GABRE: variants seen among roughly 807,000 people sequenced by gnomAD.
GABRE encodes gamma-aminobutyric acid type A receptor subunit epsilon.
A neutral mutation model predicts 31.0 loss-of-function variants in GABRE; 20 were observed. The ratio of observed to expected loss-of-function variants is 0.64; its 90% CI spans 0.45 to 0.94. The LOEUF (loss-of-function observed/expected upper bound fraction) is 0.94. Among genes scored for constraint, GABRE ranks in the 40% least tolerant of loss-of-function variants. The probability of loss-of-function intolerance (pLI) is 0.00; values close to 1 mark genes in which losing one functional copy is unlikely to be tolerated. For missense variants in GABRE, 420 were observed against 410.7 expected (o/e 1.02, Z -0.20); for synonymous variants, 155 against 150.6 (o/e 1.03, Z -0.21).
In GABRE at chrX:151,954,661, G is replaced by T; in HGVS notation, c.*40C>A. On this transcript the variant is annotated 3_prime_UTR_variant, in exon 9 of 9. Coordinates refer to ENST00000370328, the MANE Select transcript of GABRE (RefSeq NM_004961.4). ...CTTGGCAAGGGGCTTGGACCTCCTG[G>T]GGAACTGGAGAGGTTGCCCCACAGG... is the stretch of plus-strand genomic sequence containing the variant. The T allele has an allele frequency of 7.5e-6, 8 of 1,073,407 alleles. No individual in the cohort carries two copies. The highest frequency in any genetic ancestry group is 1.0e-5 in the Non-Finnish European group (8 of 799,256). The allele number at this position is 1,073,407 out of a possible 1,213,427, so 88.5% of individuals were successfully genotyped here. A position where few individuals can be genotyped will look rare whatever the true frequency, so the allele number is the denominator to read the frequency against.
chrX:151,960,372 T>C (rs1271131709), intron 5 of GABRE, among the ~76,000 whole-genome samples: 1 of 112,154 alleles, frequency 8.9e-6, no homozygotes, highest in Non-Finnish European at 1.9e-5. Flanking sequence ...GCAGGTGATA[T>C]TCCCATTAAA....
rs1455397126 is a variant in GABRE at position 151,974,574 on chromosome X, A to G, written c.52T>C (p.Ser18Pro). 1 of 1,166,691 alleles carries G rather than the reference A, an allele frequency of 8.6e-7. No homozygotes were observed. Among genetic ancestry groups the G allele is most frequent in the Admixed American group, 2.4e-5 (1 of 41,914 alleles). ...VLLGILLILQSRVEGPQTESK... is the reference protein window; with the variant it reads ...VLLGILLILQPRVEGPQTESK... ...GGTCCCGGGATGGAGACTCACCTCG[A>G]CTGGAGGATCAATAAGATGCCTAGG... Residue 18 changes from serine (S) to proline (P), a missense_variant, in exon 1 of 9, where the codon TCG becomes CCG. Transcript: ENST00000370328.
chrX:151,971,339 T>C, intron 1 of GABRE: 2 of 308,270 alleles, frequency 6.5e-6, no homozygotes, highest in Non-Finnish European at 6.2e-6. Context: ...AAAAGTGTTT[T>C]TAAAAATCAA....
intron 6 of GABRE, chrX:151,958,919 A>G: frequency 3.2e-6 from 1 of 309,641 alleles, no homozygotes; most frequent in Non-Finnish European, 6.4e-6. Context: ...TCATCCAGAG[A>G]CTGACTCAAT....
chrX:151,971,277 G>T, intron 1 of GABRE: 1 of 331,229 alleles, frequency 3.0e-6, no homozygotes, highest in South Asian at 2.6e-5. Flanking sequence ...CAACTCATCA[G>T]CTGTACACTT....
chrX:151,969,744 G>T lies in GABRE; in HGVS notation c.275-8C>A, dbSNP rs771408508. ...TGACCACAGTGGGCTTCTCTATAAG[G>T]GAAGCAGAAGCAGCAGAGGGTAAGT... On this transcript the variant is annotated splice_polypyrimidine_tract_variant and splice_region_variant and intron_variant, in intron 2 of 8. Coordinates refer to ENST00000370328, the MANE Select transcript of GABRE (RefSeq NM_004961.4). 2 of 1,206,582 alleles carry T rather than the reference G, an allele frequency of 1.7e-6. No homozygotes were observed. Among genetic ancestry groups the T allele is most frequent in the Admixed American group, 2.2e-5 (1 of 45,497 alleles).
intron 5 of GABRE, 156 bp downstream of exon 5, chrX:151,961,127 G>T (rs1934355429): frequency 4.4e-6 from 2 of 459,739 alleles, no homozygotes; most frequent in Admixed American, 7.6e-5. Flanking sequence ...AGTATTGTTG[G>T]CAGGAAAGGA....
At chrX:151,970,652 C>A in intron 1 of GABRE, 1 of 368,940 alleles carries the variant, frequency 2.7e-6, no homozygotes, top group Non-Finnish European at 4.6e-6. Flanking sequence ...AAAAAATCAA[C>A]AAAACCAAGA....
intron 3 of GABRE, among the ~76,000 whole-genome samples, chrX:151,966,082 C>T (rs1439556645): frequency 8.9e-6 from 1 of 112,402 alleles, no homozygotes; most frequent in Non-Finnish European, 1.9e-5. Context: ...TGTGTTTATG[C>T]TCTATGTTAT....
chrX:151,959,643 C>G (rs1390793899), intron 6 of GABRE, 196 bp downstream of exon 6: 1 of 547,556 alleles, frequency 1.8e-6, no homozygotes, highest in Admixed American at 2.3e-5. Context: ...GCACTTACTT[C>G]TTTGCAGATG....
At chrX:151,965,041 C>CT (rs1421024538) in intron 3 of GABRE, among the ~76,000 whole-genome samples, 7 of 111,358 alleles carry the variant, frequency 6.3e-5, no homozygotes, top group African/African-American at 2.3e-4. Context: ...ATCCCAGCTA[C>CT]TCAGGAGGCT....
chrX:151,962,706 A>G lies in GABRE; in HGVS notation c.343-63T>C, dbSNP rs181863991. ...AACAGAAAAAGGACATTCACATGCA[A>G]ACATATTGTTTGCCACTCCCTAACC... On this transcript the variant is annotated intron_variant, in intron 3 of 8. Transcript: ENST00000370328. 5.0e-5 allele frequency: 48 copies of G among 958,414 alleles called. No individual in the cohort carries two copies. In the African/African-American group the frequency reaches 8.1e-4, roughly 16 times the overall value. 79.0% of individuals were successfully genotyped at this position (958,414 alleles called of 1,213,427 possible). A position where few individuals can be genotyped will look rare whatever the true frequency, so the allele number is the denominator to read the frequency against.
At chrX:151,959,555 G>C (rs927073594) in intron 6 of GABRE, 2 of 414,945 alleles carry the variant, frequency 4.8e-6, no homozygotes, top group African/African-American at 4.9e-5. Flanking sequence ...TGAAGGGTCT[G>C]CATGAAAAAG....
chrX:151,954,300 A>G lies in GABRE; in HGVS notation c.*401T>C, dbSNP rs1061420. ...AGGCCAGAACTGGGCCGAAAGCACT[A>G]CAAAGGCAATAGTGGGCTTCTGGAA... is the stretch of plus-strand genomic sequence containing the variant. On this transcript the variant is annotated 3_prime_UTR_variant, in exon 9 of 9. Coordinates refer to ENST00000370328, the MANE Select transcript of GABRE (RefSeq NM_004961.4). The G allele has an allele frequency of 0.2, 25,820 of 130,627 alleles. 2,641 individuals carry two copies. The highest frequency in any genetic ancestry group is 0.43 in the African/African-American group (13,249 of 31,157). 10.8% of individuals were successfully genotyped at this position (130,627 alleles called of 1,213,427 possible). A position where few individuals can be genotyped will look rare whatever the true frequency, so the allele number is the denominator to read the frequency against.
intron 3 of GABRE, among the ~76,000 whole-genome samples, chrX:151,964,410 T>A (rs1201711034): frequency 1.8e-5 from 2 of 111,650 alleles, no homozygotes; most frequent in African/African-American, 6.5e-5. Flanking sequence ...GTGGCATGAG[T>A]TTGGCTGTAG....
chrX:151,963,295 G>T (rs1934437583), intron 3 of GABRE, among the ~76,000 whole-genome samples: 1 of 112,187 alleles, frequency 8.9e-6, no homozygotes. Flanking sequence ...CTTTTCTCTA[G>T]GGTAGACATT....
At chrX:151,958,701 C>G in intron 6 of GABRE, 1 of 334,929 alleles carries the variant, frequency 3.0e-6, no homozygotes, top group Non-Finnish European at 6.1e-6. Context: ...TGGGTCCCCA[C>G]CTATCCGGGA....
At chrX:151,962,910 G>A (rs759329247) in intron 3 of GABRE, among the ~76,000 whole-genome samples, 2 of 111,551 alleles carry the variant, frequency 1.8e-5, no homozygotes, top group South Asian at 3.8e-4. Flanking sequence ...CTTGATTACC[G>A]TGAGCAAGGG....
At chrX:151,973,998 C>CTGTTGG (rs1934809459) in intron 1 of GABRE, among the ~76,000 whole-genome samples, 2 of 111,059 alleles carry the variant, frequency 1.8e-5, no homozygotes, top group African/African-American at 6.6e-5. Context: ...AGACTGGCAC[C>CTGTTGG]AACAGGAGCA....
Sources: gnomAD v4.1 joint callset for allele counts (sites outside exome capture counted in the v4.1 genomes callset) on GRCh38, gnomAD v4.1.1 for gene constraint, MANE v1.5 for transcripts, NCBI Gene and HGNC (gene_info 2026-07-23, HGNC 2026-07-21) for gene names.